TNXB: variants seen among roughly 807,000 people sequenced by gnomAD.
The protein encoded by TNXB is tenascin XB.
A neutral mutation model predicts 340.5 loss-of-function variants in TNXB; 183 were observed. The observed-to-expected ratio is 0.54, with a 90% CI of 0.48 to 0.61. The LOEUF is 0.61. Among genes scored for constraint, TNXB ranks in the 20% least tolerant of loss-of-function variants. TNXB has a pLI of 0.00. For synonymous variants in TNXB, 2,121 were observed against 2,314.5 expected (o/e 0.92, Z 2.40); for missense variants, 4,613 against 5,446.4 (o/e 0.85, Z 4.82).
In TNXB at chr6:32,050,317, T is replaced by G. The variant is rs1159108381; in HGVS notation, c.9120A>C (p.Pro3040=). Residue 3040 remains proline, a synonymous_variant, in exon 27 of 44, where the codon CCA becomes CCC. Coordinates refer to ENST00000644971, the MANE Select transcript of TNXB (RefSeq NM_001365276.2). ...GPVSAVGVTA[P]KDEAETTQAV... ...CTTGGGTGGTCTCGGCTTCATCCTT[T>G]GGAGCTGGACAGACACGTGTGGGGA... 1.2e-6 allele frequency: 2 copies of G among 1,612,458 alleles called. No individual in the cohort carries two copies. Among genetic ancestry groups the G allele is most frequent in the Non-Finnish European group, 1.7e-6 (2 of 1,179,388 alleles).
In TNXB at chr6:32,056,202, C is replaced by T. The variant is rs1457898815; in HGVS notation, c.8144-28G>A. Reference sequence around the variant, plus strand: ...GAGAAAAGGAGATATAGAGAGGATGCCAGGTGCCTGGGGGATGTGCTCAGG... The same window carrying T: ...GAGAAAAGGAGATATAGAGAGGATGTCAGGTGCCTGGGGGATGTGCTCAGG... On this transcript the variant is annotated intron_variant, in intron 23 of 43. Coordinates refer to ENST00000644971, the MANE Select transcript of TNXB (RefSeq NM_001365276.2). 3 of 1,596,998 alleles carry T rather than the reference C, an allele frequency of 1.9e-6. No homozygotes were observed. In the African/African-American group the frequency reaches 4.0e-5, roughly 21 times the overall value.
chr6:32,073,372 T>G lies in TNXB; in HGVS notation c.4681+275A>C, dbSNP rs528129845. ...GTCGGAGAGGGGGAGAGAAAGTCTG[T>G]GGCTGGATTTAGGCCAAATGGAAAT... On this transcript the variant is annotated intron_variant, in intron 12 of 43. Transcript: ENST00000644971. The surrounding 1 kb of genome is among the most constrained non-coding windows in gnomAD (Gnocchi z 4.6). Among the ~76,000 whole-genome samples, 201 of 152,146 alleles carry G rather than the reference T, an allele frequency of 1.3e-3. 1 individual carries two copies. Among genetic ancestry groups the G allele is most frequent in the African/African-American group, 4.7e-3 (194 of 41,492 alleles).
intron 3 of TNXB, 41 bp from the exon 4 acceptor site, chr6:32,095,232 G>A (rs1475214474): frequency 1.4e-6 from 2 of 1,473,570 alleles, no homozygotes; most frequent in Non-Finnish European, 9.3e-7. Flanking sequence ...GTTAGCACAA[G>A]GCAACCACCC....
chr6:32,084,800 T>C lies in TNXB; in HGVS notation c.3149-91A>G. 2 of 1,227,714 alleles carry C rather than the reference T, an allele frequency of 1.6e-6. No homozygotes were observed. The highest frequency in any genetic ancestry group is 3.6e-5 in the South Asian group (2 of 56,020). The allele number at this position is 1,227,714 out of a possible 1,614,324, so 76.1% of individuals were successfully genotyped here. ...CCTCTCCCCTGCCCACCTCACTCCA[T>C]CCTGGATAGATCCCTCCCCGGAAGA... On this transcript the variant is annotated intron_variant, in intron 7 of 43. Transcript: ENST00000644971. The surrounding 1 kb of genome is among the most constrained non-coding windows in gnomAD (Gnocchi z 5.5).
In TNXB at chr6:32,052,671, T is replaced by A. The variant is rs901892240; in HGVS notation, c.9114A>T (p.Thr3038=). Residue 3038 remains threonine, a splice_region_variant and synonymous_variant, in exon 26 of 44, where the codon ACA becomes ACT. Transcript: ENST00000644971. This position sits in a 1 kb window ranked among gnomAD's most constrained non-coding sequence, Gnocchi z 4.7. ...CTCGCCTCACTCACACTTACTCACCTGTCACACCCACAGCGGACACTGGGC... is the reference window on the plus strand; with the variant it reads ...CTCGCCTCACTCACACTTACTCACCAGTCACACCCACAGCGGACACTGGGC... ...RVGPVSAVGV[T]APKDEAETTQ... is the part of the protein sequence containing the mutation. 1 of 1,612,210 alleles carries A rather than the reference T, an allele frequency of 6.2e-7. No homozygotes were observed. Among genetic ancestry groups the A allele is most frequent in the Non-Finnish European group, 8.5e-7 (1 of 1,178,726 alleles).
chr6:32,096,563 G>A lies in TNXB; in HGVS notation c.1290C>T (p.Cys430=), dbSNP rs1331733789. ...VCWPGYTGTD[C]GSRACPRDCR... The stretch of plus-strand genomic sequence containing the variant: ...AGTCGCGTGGGCAGGCGCGCGAGCC[G>A]CAATCGGTTCCAGTGTACCCCGGCC... Residue 430 remains cysteine (C), a synonymous_variant, in exon 3 of 44, where the codon TGC becomes TGT. Coordinates refer to ENST00000644971, the MANE Select transcript of TNXB (RefSeq NM_001365276.2). The A allele has an allele frequency of 6.3e-6, 10 of 1,592,886 alleles. No individual in the cohort carries two copies. Among genetic ancestry groups the A allele is most frequent in the Non-Finnish European group, 8.5e-6 (10 of 1,174,160 alleles).
At chr6:32,071,606 G>A (rs1409170921) in intron 13 of TNXB, among the ~76,000 whole-genome samples, 1 of 143,474 alleles carries the variant, frequency 7.0e-6, no homozygotes. Context: ...TCTTTTTTGA[G>A]ACGGAGTCTG....
Position 32,056,089 on chromosome 6 carries a change from T to C in TNXB, c.8229A>G (p.Thr2743=). The C allele has an allele frequency of 6.2e-7, 1 of 1,612,706 alleles. No individual in the cohort carries two copies. Among genetic ancestry groups the C allele is most frequent in the South Asian group, 1.1e-5 (1 of 91,078 alleles). ...GCGAGTCAGGGGAGGATCCTGTCAC[T>C]GTCAGCTCCCCCAGGAGCGGCTCCT... ...PPEEPLLGEL[T]VTGSSPDSLS... is the part of the protein sequence containing the mutation. The change falls in exon 24 of 44, where the codon ACA becomes ACG. Residue 2743 remains threonine, a synonymous_variant. Coordinates refer to ENST00000644971, the MANE Select transcript of TNXB (RefSeq NM_001365276.2).
chr6:32,074,488 G>A lies in TNXB; in HGVS notation c.4376-536C>T, dbSNP rs919701655. Among the ~76,000 whole-genome samples the A allele has an allele frequency of 3.9e-5, 6 of 152,114 alleles. No homozygotes were observed. The highest frequency in any genetic ancestry group is 1.4e-4 in the African/African-American group (6 of 41,402). On this transcript the variant is annotated intron_variant, in intron 11 of 43. Coordinates refer to ENST00000644971, the MANE Select transcript of TNXB (RefSeq NM_001365276.2). This position sits in a 1 kb window ranked among gnomAD's most constrained non-coding sequence, Gnocchi z 5.5. Reference sequence around the variant, plus strand: ...ACCATCACTGACACCCTGGGAGAGCGCTGAAATTCCATCTATATGCCAATG... The same window carrying A: ...ACCATCACTGACACCCTGGGAGAGCACTGAAATTCCATCTATATGCCAATG...
intron 1 of TNXB, among the ~76,000 whole-genome samples, chr6:32,100,136 G>A (rs1208668429): frequency 6.7e-6 from 1 of 148,292 alleles, no homozygotes. Flanking sequence ...ACTGAGTCTT[G>A]CTCTGTCGCC....
Position 32,067,958 on chromosome 6 carries a change from T to C in TNXB, c.6247A>G (p.Thr2083Ala). 1 of 1,611,062 alleles carries C rather than the reference T, an allele frequency of 6.2e-7. No individual in the cohort carries two copies. The highest frequency in any genetic ancestry group is 8.5e-7 in the Non-Finnish European group (1 of 1,179,246). ...TCCGGGGCCTCCATGCTGGGTTCTG[T>C]GGGGCTGGGGGTCTCTTCCTCTGCA... ...TAAEEETPSPTEPSMEAPEPA... is the reference protein window; with the variant it reads ...TAAEEETPSPAEPSMEAPEPA... The change falls in exon 18 of 44, where the codon ACA becomes GCA. Residue 2083 changes from threonine to alanine, a missense_variant. By Grantham distance (58) the Thr-to-Ala change is moderately conservative. Transcript: ENST00000644971. This position sits in a 1 kb window ranked among gnomAD's most constrained non-coding sequence, Gnocchi z 4.2.
At position 32,081,755 on chromosome 6, in the gene TNXB, TG is replaced by T. The variant is rs1267789099; in HGVS notation, c.3737-83del. ...GGGTTTCGACGGGATGTCACACCTA[TG>T]GGGGGTGGGGGGTCACTAGTCCATT... On this transcript the variant is annotated intron_variant, in intron 9 of 43. Coordinates refer to ENST00000644971, the MANE Select transcript of TNXB (RefSeq NM_001365276.2). This position sits in a 1 kb window ranked among gnomAD's most constrained non-coding sequence, Gnocchi z 5.1. The T allele has an allele frequency of 1.4e-5, 6 of 443,132 alleles. No homozygotes were observed. Among genetic ancestry groups the T allele is most frequent in the African/African-American group, 1.2e-4 (5 of 41,224 alleles). 27.5% of individuals were successfully genotyped at this position (443,132 alleles called of 1,614,324 possible).
Position 32,055,978 on chromosome 6 carries a change from C to T in TNXB, c.8340G>A (p.Met2780Ile). The T allele has an allele frequency of 1.2e-6, 2 of 1,613,486 alleles. No homozygotes were observed. Among genetic ancestry groups the T allele is most frequent in the Non-Finnish European group, 1.7e-6 (2 of 1,179,884 alleles). ...CCTCGCTCTCCTCGCCCCTGACACG[C>T]ATCACCTGGGGCCGCCCGTCCCTGT... ...YKDRDGRPQV[M>I]RVRGEESEVT... Residue 2780 changes from methionine to isoleucine, a missense_variant, in exon 24 of 44, where the codon ATG becomes ATA. Physicochemically the swap from Met to Ile is conservative, Grantham distance 10. Around this residue, in one of 7 missense-constraint regions of TNXB, gnomAD observed 4,327 missense variants for 4,859.4 expected, o/e 0.89. Transcript: ENST00000644971.
In TNXB at chr6:32,056,851, G is replaced by C; in HGVS notation, c.7878C>G (p.Pro2626=). 1 of 1,612,874 alleles carries C rather than the reference G, an allele frequency of 6.2e-7. No homozygotes were observed. Residue 2626 remains proline (P), a synonymous_variant, in exon 23 of 44, where the codon CCC becomes CCG. Coordinates refer to ENST00000644971, the MANE Select transcript of TNXB (RefSeq NM_001365276.2). The stretch of plus-strand genomic sequence containing the variant: ...TCAGCTCCCCCAGGCGAGGCTTGAT[G>C]GGGGGCTCAGGGGTCATGGTAGGCA... ...QAVPTMTPEP[P]IKPRLGELTM... is the part of the protein sequence containing the mutation.
At chr6:32,054,220 C>T (rs970034699) in intron 24 of TNXB, among the ~76,000 whole-genome samples, 1 of 152,264 alleles carries the variant, frequency 6.6e-6, no homozygotes. Flanking sequence ...GAGCCACTGT[C>T]ACCTCTCACC....
chr6:32,094,970 C>T, intron 4 of TNXB, 106 bp downstream of exon 4: 2 of 901,760 alleles, frequency 2.2e-6, no homozygotes, highest in East Asian at 5.3e-5. Flanking sequence ...AGGTACCCAG[C>T]CATCTGGACT....
intron 4 of TNXB, among the ~76,000 whole-genome samples, chr6:32,092,281 A>T (rs1780108791): frequency 6.6e-6 from 1 of 152,212 alleles, no homozygotes; most frequent in East Asian, 1.9e-4. Context: ...TCCAGGGAAC[A>T]CACTTTGAGA....
rs566758495 is a variant in TNXB at position 32,049,966 on chromosome 6, C to A, written c.9439+32G>T. ...AGAGCAAGAGGTGGCCCTCCCACAG[C>A]TCCCACCCTGGGGCTCCCATCATTC... is the stretch of plus-strand genomic sequence containing the variant. On this transcript the variant is annotated intron_variant, in intron 27 of 43. Transcript: ENST00000644971. This position sits in a 1 kb window ranked among gnomAD's most constrained non-coding sequence, Gnocchi z 4.5. 16 of 1,611,660 alleles carry A rather than the reference C, an allele frequency of 9.9e-6. No homozygotes were observed. In the Admixed American group the frequency reaches 1.8e-4, roughly 18 times the overall value.
At chr6:32,088,485 T>G (rs1375122463) in intron 6 of TNXB, among the ~76,000 whole-genome samples, 1 of 152,048 alleles carries the variant, frequency 6.6e-6, no homozygotes, top group African/African-American at 2.4e-5. Flanking sequence ...TACCTAAATT[T>G]AAAAAAGAAC....
Sources: gnomAD v4.1 joint callset for allele counts (sites outside exome capture counted in the v4.1 genomes callset) on GRCh38, gnomAD v4.1.1 for gene constraint, gnomAD v4.1.1 regional missense constraint, Gnocchi (gnomAD v3.1) non-coding constraint, MANE v1.5 for transcripts, NCBI Gene and HGNC (gene_info 2026-07-23, HGNC 2026-07-21) for gene names.